The following DIPK2B variants were observed in gnomAD, a reference collection of about 807,000 sequenced individuals.
DIPK2B encodes the protein divergent protein kinase domain 2B, also known as UPF0672 protein CXorf36.
DIPK2B carries 15 observed loss-of-function variants against 22.2 expected under a neutral mutation model. The observed-to-expected ratio is 0.68, with a 90% confidence interval of 0.45 to 1.04. The LOEUF (loss-of-function observed/expected upper bound fraction) is 1.04. Ranked by LOEUF, DIPK2B falls within the 50% of genes least tolerant of loss-of-function variation. The probability of loss-of-function intolerance (pLI) is 0.00; values close to 1 mark genes in which losing one functional copy is unlikely to be tolerated. For missense variants in DIPK2B, 345 were observed against 348.3 expected, an observed-to-expected ratio of 0.99 and a Z score of 0.08; for synonymous variants, 163 against 153.2, an observed-to-expected ratio of 1.06 and a Z score of -0.47.
At chrX:45,168,861 A>C (rs996489461) in intron 2 of DIPK2B, among the ~76,000 whole-genome samples, 4 of 112,017 alleles carry the variant, frequency 3.6e-5, no homozygotes, top group Non-Finnish European at 7.5e-5. Context: ...AATGAGATTC[A>C]ACATCCCCTT....
At chrX:45,181,029 C>A (rs1465294257) in intron 2 of DIPK2B, among the ~76,000 whole-genome samples, 1 of 111,791 alleles carries the variant, frequency 8.9e-6, no homozygotes, top group East Asian at 2.8e-4. Context: ...TACTATATTT[C>A]TATATGTTAG....
At chrX:45,174,187 T>A (rs777262980) in intron 2 of DIPK2B, among the ~76,000 whole-genome samples, 18 of 111,285 alleles carry the variant, frequency 1.6e-4, no homozygotes, top group Admixed American at 7.6e-4. Context: ...CAAAAAGAAT[T>A]TGGGGACTCT....
intron 2 of DIPK2B, among the ~76,000 whole-genome samples, chrX:45,184,838 G>A (rs1206730087): frequency 8.9e-6 from 1 of 112,002 alleles, no homozygotes; most frequent in East Asian, 2.8e-4. Flanking sequence ...GAAATATAGA[G>A]TTTTCATCAT....
In DIPK2B at chrX:45,178,779, A is replaced by G. The variant is rs1049687354; in HGVS notation, c.498+12972T>C. On this transcript the variant is annotated intron_variant, in intron 2 of 4. Transcript: ENST00000398000. ...GCATGTGAGTAGGGTAGGCCTCTAG[A>G]GACCTATCAGAGAACCACATTAAAA... Among the ~76,000 whole-genome samples the G allele has an allele frequency of 1.3e-3, 148 of 111,631 alleles. 5 individuals carry two copies. The highest frequency in any genetic ancestry group is 9.4e-4 in the Non-Finnish European group (50 of 53,132).
intron 2 of DIPK2B, among the ~76,000 whole-genome samples, chrX:45,169,741 A>G (rs2047068755): frequency 8.9e-6 from 1 of 112,271 alleles, no homozygotes; most frequent in African/African-American, 3.2e-5. Flanking sequence ...TGGAGGGCCA[A>G]ACAAACAACA....
rs749762280 is a variant in DIPK2B, at chrX:45,200,876, T to C, written c.-50A>G. ...GCCTCTGGCTGTCCACTCGAGGCTG[T>C]ACAGAGGCAGGGCTTGGCCAAAGAG... On this transcript the variant is annotated 5_prime_UTR_variant, in exon 1 of 5. Coordinates refer to ENST00000398000, the MANE Select transcript of DIPK2B (RefSeq NM_176819.4). The C allele has an allele frequency of 9.7e-7, 1 of 1,035,931 alleles. No homozygotes were observed. The highest frequency in any genetic ancestry group is 2.2e-5 in the South Asian group (1 of 46,284). 85.4% of individuals were successfully genotyped at this position (1,035,931 alleles called of 1,213,427 possible).
In DIPK2B at chrX:45,153,891, C is replaced by T. The variant is rs1476993884; in HGVS notation, c.961+19G>A. ...GACTTTCCCTCTGACAGCTGCTCAGCCAGGCCCATGCTGAGTACCTTCCTG... is the reference window on the plus strand; with the variant it reads ...GACTTTCCCTCTGACAGCTGCTCAGTCAGGCCCATGCTGAGTACCTTCCTG... On this transcript the variant is annotated intron_variant, in intron 4 of 4. Transcript: ENST00000398000. 1 of 1,198,892 alleles carries T rather than the reference C, an allele frequency of 8.3e-7. No homozygotes were observed. The highest frequency in any genetic ancestry group is 1.1e-6 in the Non-Finnish European group (1 of 886,949).
At chrX:45,192,949 T>C (rs1428028961) in intron 1 of DIPK2B, among the ~76,000 whole-genome samples, 8 of 112,067 alleles carry the variant, frequency 7.1e-5, no homozygotes, top group Non-Finnish European at 1.5e-4. Context: ...CAGCTAATTT[T>C]TGTATTTTTA....
intron 2 of DIPK2B, among the ~76,000 whole-genome samples, chrX:45,179,091 C>T (rs1453915304): frequency 9.0e-6 from 1 of 111,314 alleles, no homozygotes; most frequent in Non-Finnish European, 1.9e-5. Flanking sequence ...TTTGACAACA[C>T]CTGGAAACAT....
At chrX:45,180,516 G>A (rs2047144423) in intron 2 of DIPK2B, among the ~76,000 whole-genome samples, 1 of 111,533 alleles carries the variant, frequency 9.0e-6, no homozygotes, top group Non-Finnish European at 1.9e-5. Flanking sequence ...GCAAGAAATA[G>A]AACATATCTT....
intron 2 of DIPK2B, among the ~76,000 whole-genome samples, chrX:45,185,021 GA>G (rs1330073134): frequency 9.0e-6 from 1 of 111,537 alleles, no homozygotes; most frequent in African/African-American, 3.3e-5. Context: ...AAAATGTATT[GA>G]GGGGTTTTGT....
intron 1 of DIPK2B, among the ~76,000 whole-genome samples, chrX:45,193,045 T>C (rs1287003627): frequency 8.9e-6 from 1 of 112,725 alleles, no homozygotes; most frequent in East Asian, 2.8e-4. Context: ...TCCCAAAGTG[T>C]TGGGATTACA....
intron 2 of DIPK2B, among the ~76,000 whole-genome samples, chrX:45,180,594 T>A (rs2047144906): frequency 9.0e-6 from 1 of 110,884 alleles, no homozygotes; most frequent in South Asian, 3.8e-4. Context: ...CATGGAAAAA[T>A]TCAAAAAAAA....
intron 2 of DIPK2B, chrX:45,183,491 T>A (rs1010390879): frequency 2.7e-5 from 3 of 112,072 alleles, no homozygotes; most frequent in African/African-American, 9.7e-5. Context: ...AAATTAGTGA[T>A]TAGTGGGCTG....
Position 45,191,745 on chromosome X carries a change from A to G in DIPK2B, c.498+6T>C. The stretch of plus-strand genomic sequence containing the variant: ...CACACCCCCTTCCCATGGCCTTCAC[A>G]CTCACCTGCACCAGGTCCGGCGTGA... On this transcript the variant is annotated splice_donor_region_variant and intron_variant, in intron 2 of 4. Transcript: ENST00000398000. 1 of 1,207,371 alleles carries G rather than the reference A, an allele frequency of 8.3e-7. No individual in the cohort carries two copies. The highest frequency in any genetic ancestry group is 1.1e-6 in the Non-Finnish European group (1 of 893,990).
intron 2 of DIPK2B, among the ~76,000 whole-genome samples, chrX:45,181,878 AT>A (rs1353854128): frequency 1.8e-5 from 2 of 111,372 alleles, no homozygotes. Flanking sequence ...AAAAGAAACA[AT>A]TATGGCAGCC....
intron 2 of DIPK2B, among the ~76,000 whole-genome samples, chrX:45,169,453 T>C (rs970952122): frequency 8.9e-6 from 1 of 111,939 alleles, no homozygotes; most frequent in East Asian, 2.8e-4. Context: ...TGCAGTGTCA[T>C]CATTGTGACC....
At chrX:45,200,535 A>C (rs2047261556) in intron 1 of DIPK2B, 59 bp downstream of exon 1, 1 of 1,045,563 alleles carries the variant, frequency 9.6e-7, no homozygotes, top group African/African-American at 1.8e-5. Flanking sequence ...ATTCCTGGAC[A>C]TCTTCACAAG....
rs775096087 is a variant in DIPK2B, at chrX:45,191,774, G to T, written c.475C>A (p.Arg159Ser). 8.3e-7 allele frequency: 1 copy of T among 1,209,791 alleles called. No individual in the cohort carries two copies. Among genetic ancestry groups the T allele is most frequent in the Non-Finnish European group, 1.1e-6 (1 of 895,249 alleles). Residue 159 changes from arginine (R) to serine (S), a missense_variant, in exon 2 of 5, where the codon CGC (arginine) becomes AGC (serine). Arg to Ser is a moderately radical substitution (Grantham distance 110, BLOSUM62 -1). Coordinates refer to ENST00000398000, the MANE Select transcript of DIPK2B (RefSeq NM_176819.4). ...ERFQKWLQAK[R>S]LTPDLVQGLA... is the part of the protein sequence containing the mutation. ...ACCTGCACCAGGTCCGGCGTGAGGC[G>T]CTTGGCCTGCAGCCATTTCTGGAAC...
Sources: gnomAD v4.1 joint callset for allele counts (sites outside exome capture counted in the v4.1 genomes callset) on GRCh38, gnomAD v4.1.1 for gene constraint, MANE v1.5 for transcripts, NCBI Gene and HGNC (gene_info 2026-07-23, HGNC 2026-07-21) for gene names.